The following PANK3 variants were observed in gnomAD, a reference collection of about 807,000 sequenced individuals.
The protein encoded by PANK3 is pantothenate kinase 3.
Under a neutral mutation model 39.4 loss-of-function variants are expected in PANK3, and 20 were observed. That is an observed-to-expected ratio of 0.51 (90% CI 0.36 to 0.74). The LOEUF (loss-of-function observed/expected upper bound fraction) is 0.74, where lower values mean the gene tolerates loss of function less well. PANK3 is among the 30% of genes least tolerant of loss of function. The pLI is 0.00. For missense variants in PANK3, 265 were observed against 437.0 expected, an observed-to-expected ratio of 0.61 and a Z score of 3.51; for synonymous variants, 140 against 157.3, an observed-to-expected ratio of 0.89 and a Z score of 0.82.
intron 5 of PANK3, among the ~76,000 whole-genome samples, chr5:168,559,727 T>C (rs558536613): frequency 6.6e-6 from 1 of 152,188 alleles, no homozygotes; most frequent in African/African-American, 2.4e-5. Context: ...TGGTAAGTAC[T>C]ATAAAATGCA....
In PANK3 at chr5:168,568,843, C is replaced by T. The variant is rs970466941; in HGVS notation, c.184G>A (p.Gly62Ser). Residue 62 changes from glycine to serine, a missense_variant, in exon 2 of 7, where the codon GGC becomes AGC. By Grantham distance (56) the Gly-to-Ser change is moderately conservative. Transcript: ENST00000239231. ...LTSNVAYGST[G>S]IRDVHLELKD... Reference sequence around the variant, plus strand: ...AGTTCAAGGTGTACATCCCGAATGCCGGTGGATCCATATGCCACGTTAGAA... The same window carrying T: ...AGTTCAAGGTGTACATCCCGAATGCTGGTGGATCCATATGCCACGTTAGAA... The T allele has an allele frequency of 1.9e-6, 3 of 1,613,588 alleles. No individual in the cohort carries two copies. The highest frequency in any genetic ancestry group is 1.7e-6 in the Non-Finnish European group (2 of 1,179,970).
chr5:168,574,239 G>A (rs1759695006), intron 1 of PANK3, among the ~76,000 whole-genome samples: 1 of 150,428 alleles, frequency 6.6e-6, no homozygotes, highest in African/African-American at 2.5e-5. Context: ...ATCTCATTGT[G>A]GTTTTGATTT....
At chr5:168,576,049 T>G (rs563378440) in intron 1 of PANK3, among the ~76,000 whole-genome samples, 1 of 152,258 alleles carries the variant, frequency 6.6e-6, no homozygotes, top group Admixed American at 6.5e-5. Flanking sequence ...AAGAAAATAA[T>G]CATCTTCAGA....
chr5:168,559,785 G>A (rs977490724), intron 5 of PANK3, among the ~76,000 whole-genome samples: 1 of 152,128 alleles, frequency 6.6e-6, no homozygotes, highest in Non-Finnish European at 1.5e-5. Context: ...AATGCATGTT[G>A]AACAATGACA....
At chr5:168,562,666 CTT>C (rs1470364576) in intron 4 of PANK3, among the ~76,000 whole-genome samples, 1 of 152,048 alleles carries the variant, frequency 6.6e-6, no homozygotes, top group Non-Finnish European at 1.5e-5. Context: ...TTGGAGAGGC[CTT>C]TTTAAATGTG....
At chr5:168,577,832 A>C (rs1257826964) in intron 1 of PANK3, among the ~76,000 whole-genome samples, 1 of 152,220 alleles carries the variant, frequency 6.6e-6, no homozygotes, top group Non-Finnish European at 1.5e-5. Flanking sequence ...TGGAAATTCT[A>C]AGAGAAGCAG....
chr5:168,566,727 A>G (rs780895226), intron 2 of PANK3, among the ~76,000 whole-genome samples: 1 of 152,186 alleles, frequency 6.6e-6, no homozygotes, highest in Non-Finnish European at 1.5e-5. Context: ...CTATGGATTC[A>G]GTCACTCCAT....
intron 4 of PANK3, among the ~76,000 whole-genome samples, chr5:168,563,559 T>C (rs73802348): frequency 0.012 from 1,806 of 151,634 alleles, 36 homozygotes; most frequent in African/African-American, 0.042. Flanking sequence ...AAGATTTCTA[T>C]ATGGATACTT....
In PANK3 at chr5:168,553,114, G is replaced by A; in HGVS notation, c.*4457C>T. ...AAACTTACGACTTCCAGGGCAAAAT[G>A]GAAGGGCTACACTTTATAGGACAGC... On this transcript the variant is annotated 3_prime_UTR_variant, in exon 7 of 7. Transcript: ENST00000239231. The A allele has an allele frequency of 2.3e-6, 1 of 434,172 alleles. No homozygotes were observed. The highest frequency in any genetic ancestry group is 4.5e-6 in the Non-Finnish European group (1 of 219,970). 26.9% of individuals were successfully genotyped at this position (434,172 alleles called of 1,614,324 possible).
rs914350257 is a variant in PANK3 at position 168,550,992 on chromosome 5, A to T, written c.*6579T>A. ...AAACATTTGAATTTTTTGGAAGTGG[A>T]AATTAATTATTCAAAATTTAGATAT... is the stretch of plus-strand genomic sequence containing the variant. On this transcript the variant is annotated 3_prime_UTR_variant, in exon 7 of 7. Coordinates refer to ENST00000239231, the MANE Select transcript of PANK3 (RefSeq NM_024594.4). 3.9e-5 allele frequency: 6 copies of T among 152,214 alleles called. No homozygotes were observed. The highest frequency in any genetic ancestry group is 1.4e-4 in the African/African-American group (6 of 41,462). The allele number at this position is 152,214 out of a possible 1,614,324, so 9.4% of individuals were successfully genotyped here.
Position 168,552,877 on chromosome 5 carries a change from T to C in PANK3, c.*4694A>G, listed in dbSNP as rs528439123. The C allele has an allele frequency of 5.1e-5, 10 of 195,856 alleles. 1 individual carries two copies. In the South Asian group the frequency reaches 1.1e-3, roughly 22 times the overall value. The allele number at this position is 195,856 out of a possible 1,614,324, so 12.1% of individuals were successfully genotyped here. A position where few individuals can be genotyped will look rare whatever the true frequency, so the allele number is the denominator to read the frequency against. ...TCTCATTGAGTAATAGAAGACAACA[T>C]TGATTCCAGAGAGCTACTGAGAGAG... On this transcript the variant is annotated 3_prime_UTR_variant, in exon 7 of 7. Transcript: ENST00000239231.
chr5:168,570,504 G>A (rs1413441661), intron 1 of PANK3, among the ~76,000 whole-genome samples: 1 of 151,666 alleles, frequency 6.6e-6, no homozygotes, highest in Non-Finnish European at 1.5e-5. Context: ...ATGTAGCAGG[G>A]GAATATAAAT....
At chr5:168,575,455 G>C (rs1582469317) in intron 1 of PANK3, among the ~76,000 whole-genome samples, 2 of 151,724 alleles carry the variant, frequency 1.3e-5, no homozygotes, top group Non-Finnish European at 2.9e-5. Flanking sequence ...AGGAAGCAGA[G>C]AACACTAACA....
intron 1 of PANK3, among the ~76,000 whole-genome samples, chr5:168,570,210 G>A (rs886622176): frequency 6.6e-6 from 1 of 151,618 alleles, no homozygotes; most frequent in Non-Finnish European, 1.5e-5. Context: ...GCGAAACCCC[G>A]TCTCTACTAA....
rs374224369 is a variant in PANK3, at chr5:168,569,270, C to T, written c.29-272G>A. ...CGCGATCTTGGCTCACTGCAAACTC[C>T]GCCTCCCGGGTTCACGCCATTCTCC... On this transcript the variant is annotated intron_variant, in intron 1 of 6. Transcript: ENST00000239231. Among the ~76,000 whole-genome samples the T allele has an allele frequency of 1.7e-4, 25 of 148,214 alleles. No homozygotes were observed. The East Asian group carries it at 2.2e-3, about 13-fold the overall frequency.
intron 1 of PANK3, among the ~76,000 whole-genome samples, chr5:168,577,429 A>C (rs1759747467): frequency 6.6e-6 from 1 of 151,430 alleles, no homozygotes; most frequent in Non-Finnish European, 1.5e-5. Context: ...GGTATTCTCT[A>C]ATTTCTCAAC....
intron 1 of PANK3, among the ~76,000 whole-genome samples, chr5:168,571,187 CA>C (rs2113126616): frequency 1.3e-5 from 2 of 152,306 alleles, no homozygotes; most frequent in South Asian, 4.1e-4. Context: ...TTATTGGCCA[CA>C]ATCCTTATAC....
chr5:168,568,613 A>G, intron 2 of PANK3, 33 bp downstream of exon 2: 1 of 1,450,794 alleles, frequency 6.9e-7, no homozygotes, highest in Non-Finnish European at 9.5e-7. Flanking sequence ...AAAAACAGGT[A>G]TCAATTTTCA....
At chr5:168,564,855 C>G (rs1465114999) in intron 3 of PANK3, among the ~76,000 whole-genome samples, 1 of 152,238 alleles carries the variant, frequency 6.6e-6, no homozygotes, top group Non-Finnish European at 1.5e-5. Flanking sequence ...CACATAAATA[C>G]AATGAGTAAA....
Sources: gnomAD v4.1 joint callset for allele counts (sites outside exome capture counted in the v4.1 genomes callset) on GRCh38, gnomAD v4.1.1 for gene constraint, MANE v1.5 for transcripts, NCBI Gene and HGNC (gene_info 2026-07-23, HGNC 2026-07-21) for gene names.